Variants in GNG7 observed in about 807,000 individuals in gnomAD.
GNG7 encodes G protein subunit gamma 7.
A neutral mutation model predicts 4.0 loss-of-function variants in GNG7; 1 was observed. The observed-to-expected ratio is 0.25, with a 90% CI of 0.09 to 1.18. The LOEUF (loss-of-function observed/expected upper bound fraction) is 1.18. Among genes scored for constraint, GNG7 ranks in the 50% most tolerant of loss-of-function variants. The probability of loss-of-function intolerance (pLI) is 0.50; values close to 1 mark genes in which losing one functional copy is unlikely to be tolerated. For missense variants in GNG7, 86 were observed against 91.9 expected (o/e 0.94, Z 0.26); for synonymous variants, 34 against 36.9 (o/e 0.92, Z 0.29).
At chr19:2,625,972 G>A (rs1306170532) in intron 2 of GNG7, among the ~76,000 whole-genome samples, 1 of 151,910 alleles carries the variant, frequency 6.6e-6, no homozygotes, top group Non-Finnish European at 1.5e-5. Context: ...ATTTTTAGTA[G>A]AGATGGGGTT....
chr19:2,621,086 G>A (rs180957979), intron 2 of GNG7, among the ~76,000 whole-genome samples: 1 of 152,146 alleles, frequency 6.6e-6, no homozygotes, highest in East Asian at 1.9e-4. Context: ...GGGTGACCTC[G>A]CCCCTTCCTG....
At chr19:2,615,446 C>G (rs1981694048) in intron 2 of GNG7, among the ~76,000 whole-genome samples, 1 of 130,716 alleles carries the variant, frequency 7.7e-6, no homozygotes, top group South Asian at 2.4e-4. Context: ...TTTTCTTTGT[C>G]TTTTCCGGTT....
intron 4 of GNG7, chr19:2,517,075 T>C (rs1414674150): frequency 6.6e-6 from 1 of 152,286 alleles, no homozygotes; most frequent in Non-Finnish European, 1.5e-5. Flanking sequence ...CTCTCCTTGC[T>C]TTCTTTCCTG....
At chr19:2,528,189 T>C (rs1978471644) in intron 3 of GNG7, among the ~76,000 whole-genome samples, 1 of 149,278 alleles carries the variant, frequency 6.7e-6, no homozygotes, top group Non-Finnish European at 1.5e-5. Context: ...AAGAATCGCT[T>C]GAACCCAGGA....
intron 3 of GNG7, among the ~76,000 whole-genome samples, chr19:2,530,755 A>T (rs1378175961): frequency 6.6e-6 from 1 of 152,208 alleles, no homozygotes; most frequent in African/African-American, 2.4e-5. Context: ...ATGTCAAAGC[A>T]TCTGCTCAAG....
At chr19:2,691,543 C>CA (rs1479899531) in intron 1 of GNG7, among the ~76,000 whole-genome samples, 2 of 149,512 alleles carry the variant, frequency 1.3e-5, no homozygotes, top group South Asian at 2.1e-4. Context: ...GACTCTGTCT[C>CA]AAAAAAAATA....
rs1979589309 is a variant in GNG7 at position 2,557,282 on chromosome 19, C to T, written c.-77-2094G>A. 6.6e-6 allele frequency among the ~76,000 whole-genome samples: 1 copy of T among 151,448 alleles called. No homozygotes were observed. The highest frequency in any genetic ancestry group is 2.1e-4 in the South Asian group (1 of 4,798). ...GCACACACATTTGCACACACAGACACGTGCACACACAGAGGTGCACATACA... is the reference window on the plus strand; with the variant it reads ...GCACACACATTTGCACACACAGACATGTGCACACACAGAGGTGCACATACA... On this transcript the variant is annotated intron_variant, in intron 2 of 4. Coordinates refer to ENST00000382159, the MANE Select transcript of GNG7 (RefSeq NM_052847.3). The surrounding 1 kb of genome is among the most constrained non-coding windows in gnomAD (Gnocchi z 5.1).
chr19:2,589,559 G>GT (rs1232478839), intron 2 of GNG7, among the ~76,000 whole-genome samples: 3 of 151,560 alleles, frequency 2.0e-5, no homozygotes, highest in Non-Finnish European at 4.4e-5. Flanking sequence ...AGTCTTCCAC[G>GT]TGTCTCTGGA....
intron 2 of GNG7, among the ~76,000 whole-genome samples, chr19:2,602,166 G>A (rs535562312): frequency 8.5e-4 from 129 of 151,988 alleles, no homozygotes; most frequent in African/African-American, 2.5e-3. Flanking sequence ...GTGAAACCCC[G>A]TCTCTACTAA....
In GNG7 at chr19:2,512,250, C is replaced by T. The variant is rs780283481; in HGVS notation, c.*2772G>A. ...ACGCCCATAAAACATGCGTTCACCC[C>T]AGGGATTCCCGGCAGAAAAGCACAT... On this transcript the variant is annotated 3_prime_UTR_variant, in exon 5 of 5. Transcript: ENST00000382159. The surrounding 1 kb of genome is among the most constrained non-coding windows in gnomAD (Gnocchi z 4.7). The T allele has an allele frequency of 2.0e-6, 2 of 985,904 alleles. No homozygotes were observed. The highest frequency in any genetic ancestry group is 9.4e-5 in the South Asian group (2 of 21,290). The allele number at this position is 985,904 out of a possible 1,614,324, so 61.1% of individuals were successfully genotyped here.
At chr19:2,570,180 C>G (rs550372832) in intron 2 of GNG7, among the ~76,000 whole-genome samples, 171 of 152,242 alleles carry the variant, frequency 1.1e-3, no homozygotes, top group African/African-American at 4.0e-3. Context: ...CGCTCCCTCT[C>G]TGGCCGTATG....
chr19:2,648,758 G>A (rs1023290476), intron 1 of GNG7, among the ~76,000 whole-genome samples: 1 of 152,220 alleles, frequency 6.6e-6, no homozygotes. Flanking sequence ...GGGCAGCAGG[G>A]ATGAGTGATG....
chr19:2,596,342 G>T (rs1443543965), intron 2 of GNG7, among the ~76,000 whole-genome samples: 1 of 148,864 alleles, frequency 6.7e-6, no homozygotes, highest in Non-Finnish European at 1.5e-5. Flanking sequence ...CTGGGCGACA[G>T]AGTGAGAGTC....
chr19:2,517,986 C>T (rs1016907716), intron 4 of GNG7, among the ~76,000 whole-genome samples: 4 of 152,328 alleles, frequency 2.6e-5, no homozygotes, highest in Non-Finnish European at 2.9e-5. Flanking sequence ...TGTGATGACT[C>T]GGACCTGGCC....
intron 3 of GNG7, among the ~76,000 whole-genome samples, chr19:2,524,599 C>G (rs950225450): frequency 3.9e-5 from 6 of 152,246 alleles, no homozygotes; most frequent in African/African-American, 1.4e-4. Context: ...AGTGTGCATC[C>G]TTGCATGTGT....
At chr19:2,598,530 G>A (rs1396899349) in intron 2 of GNG7, among the ~76,000 whole-genome samples, 2 of 151,440 alleles carry the variant, frequency 1.3e-5, no homozygotes, top group African/African-American at 4.8e-5. Flanking sequence ...GGTGGCGGGC[G>A]CCTGTAGTCC....
intron 1 of GNG7, among the ~76,000 whole-genome samples, chr19:2,689,480 G>T (rs567452475): frequency 9.2e-5 from 14 of 151,600 alleles, no homozygotes; most frequent in African/African-American, 2.9e-4. Flanking sequence ...AAAAATAGCC[G>T]GGTGTGGTGG....
At chr19:2,553,985 AAT>A (rs1392859326) in intron 3 of GNG7, among the ~76,000 whole-genome samples, 4 of 52,766 alleles carry the variant, frequency 7.6e-5, no homozygotes, top group East Asian at 3.7e-4. Context: ...TATTATATGT[AAT>A]ATATATTACA....
intron 2 of GNG7, among the ~76,000 whole-genome samples, chr19:2,586,313 C>A (rs956035453): frequency 1.3e-5 from 2 of 152,212 alleles, no homozygotes; most frequent in African/African-American, 4.8e-5. Context: ...GTGCTGGGGG[C>A]TGGTGGCTGC....
Sources: allele counts gnomAD v4.1 joint callset (sites outside exome capture counted in the v4.1 genomes callset), GRCh38; gene constraint gnomAD v4.1.1; non-coding constraint Gnocchi (gnomAD v3.1); transcripts MANE v1.5; gene names NCBI Gene and HGNC (gene_info 2026-07-23, HGNC 2026-07-21).